Variants in GABRA3 observed in about 807,000 individuals in gnomAD.
GABRA3 encodes gamma-aminobutyric acid type A receptor subunit alpha3.
GABRA3 carries 10 observed loss-of-function variants against 30.1 expected under a neutral mutation model. The observed-to-expected ratio is 0.33, with a 90% CI of 0.20 to 0.56. The LOEUF is 0.56. Among genes scored for constraint, GABRA3 ranks in the 20% least tolerant of loss-of-function variants. The pLI is 0.89. For synonymous variants in GABRA3, 151 were observed against 146.8 expected (o/e 1.03, Z -0.21); for missense variants, 233 against 392.0 (o/e 0.59, Z 3.42).
At chrX:152,442,600 A>G (rs750326768) in intron 1 of GABRA3, among the ~76,000 whole-genome samples, 33 of 111,577 alleles carry the variant, frequency 3.0e-4, no homozygotes, top group Non-Finnish European at 5.5e-4. Context: ...AGGCTTAGAG[A>G]GACTACACAG....
intron 8 of GABRA3, among the ~76,000 whole-genome samples, chrX:152,197,093 C>A (rs2124353615): frequency 8.9e-6 from 1 of 112,073 alleles, no homozygotes; most frequent in Non-Finnish European, 1.9e-5. Context: ...TAATGATATG[C>A]AAATGTCTTC....
At chrX:152,260,459 G>C (rs1311851641) in intron 4 of GABRA3, among the ~76,000 whole-genome samples, 1 of 111,108 alleles carries the variant, frequency 9.0e-6, no homozygotes, top group Non-Finnish European at 1.9e-5. Context: ...GTTCAGGTCT[G>C]ACCCAGCACA....
rs552221582 is a variant in GABRA3, at chrX:152,198,248, G to A, written c.779-463C>T. Among the ~76,000 whole-genome samples the A allele has an allele frequency of 1.2e-4, 13 of 111,964 alleles. No individual in the cohort carries two copies. In the South Asian group the frequency reaches 3.8e-3, roughly 32 times the overall value. ...CATAAGGTTACACAGCTAGTAATTA[G>A]TAAAGCCCAAAGTCAAGCCCAGGTA... is the stretch of plus-strand genomic sequence containing the variant. On this transcript the variant is annotated intron_variant, in intron 7 of 9. Transcript: ENST00000370314.
At chrX:152,221,547 A>C (rs1224936666) in intron 6 of GABRA3, among the ~76,000 whole-genome samples, 1 of 111,889 alleles carries the variant, frequency 8.9e-6, no homozygotes, top group Non-Finnish European at 1.9e-5. Flanking sequence ...TATAAACTTT[A>C]GAATAAGCAT....
intron 1 of GABRA3, among the ~76,000 whole-genome samples, chrX:152,441,107 A>T (rs1202049184): frequency 9.0e-6 from 1 of 110,549 alleles, no homozygotes; most frequent in East Asian, 2.8e-4. Flanking sequence ...GCCCAAAAGA[A>T]CCTGTTATAG....
At chrX:152,367,351 G>A (rs978297768) in intron 1 of GABRA3, among the ~76,000 whole-genome samples, 2 of 111,624 alleles carry the variant, frequency 1.8e-5, no homozygotes, top group African/African-American at 6.5e-5. Flanking sequence ...TAATCATGGT[G>A]TTAGAAGAGA....
chrX:152,173,254 T>A (rs879145685), intron 9 of GABRA3, among the ~76,000 whole-genome samples: 2 of 107,382 alleles, frequency 1.9e-5, no homozygotes, highest in African/African-American at 6.8e-5. Context: ...GGGGTGGGGG[T>A]TATCTAGAGC....
chrX:152,441,087 C>A (rs1165104985), intron 1 of GABRA3, among the ~76,000 whole-genome samples: 1 of 109,974 alleles, frequency 9.1e-6, no homozygotes, highest in Admixed American at 9.7e-5. Context: ...AAAGAACTGG[C>A]TGCAAAGGGG....
intron 3 of GABRA3, among the ~76,000 whole-genome samples, chrX:152,304,966 T>C (rs769440633): frequency 2.7e-5 from 3 of 112,204 alleles, no homozygotes; most frequent in Middle Eastern, 4.6e-3. Flanking sequence ...CATTTATTTG[T>C]ATCATCTCTG....
intron 3 of GABRA3, among the ~76,000 whole-genome samples, chrX:152,320,508 T>C (rs956149283): frequency 9.0e-6 from 1 of 111,424 alleles, no homozygotes; most frequent in Non-Finnish European, 1.9e-5. Context: ...CACTCATAAA[T>C]GGGAGCTAAA....
intron 5 of GABRA3, among the ~76,000 whole-genome samples, chrX:152,239,096 T>G (rs1482354493): frequency 9.7e-6 from 1 of 102,880 alleles, no homozygotes; most frequent in African/African-American, 3.6e-5. Context: ...AGGGTGTCAA[T>G]TTTGGATCTT....
chrX:152,412,013 A>G lies in GABRA3; in HGVS notation c.-27+39133T>C, dbSNP rs758345848. Among the ~76,000 whole-genome samples, 16 of 111,874 alleles carry G rather than the reference A, an allele frequency of 1.4e-4. No individual in the cohort carries two copies. In the South Asian group the frequency reaches 1.9e-3, roughly 13 times the overall value. On this transcript the variant is annotated intron_variant, in intron 1 of 9. Coordinates refer to ENST00000370314, the MANE Select transcript of GABRA3 (RefSeq NM_000808.4). ...TTACCAAATTTTTTTCAGTGGGCTA[A>G]GGAATGAATAAACATTTCTCCAAAA...
intron 4 of GABRA3, among the ~76,000 whole-genome samples, chrX:152,276,519 A>G (rs1445771099): frequency 8.9e-6 from 1 of 111,733 alleles, no homozygotes; most frequent in African/African-American, 3.2e-5. Flanking sequence ...CTTTAGGTAC[A>G]CACCCTAAAG....
chrX:152,247,911 CCTT>C (rs1337658554), intron 5 of GABRA3, among the ~76,000 whole-genome samples: 1 of 111,301 alleles, frequency 9.0e-6, no homozygotes, highest in Non-Finnish European at 1.9e-5. Flanking sequence ...CAAAATATCT[CCTT>C]CTTCTCCTAT....
intron 1 of GABRA3, among the ~76,000 whole-genome samples, chrX:152,426,915 T>C (rs928642831): frequency 8.9e-6 from 1 of 112,420 alleles, no homozygotes; most frequent in Non-Finnish European, 1.9e-5. Flanking sequence ...AGAGTCATAC[T>C]TATTTGGGAA....
intron 8 of GABRA3, among the ~76,000 whole-genome samples, chrX:152,193,512 G>GT (rs1937349195): frequency 8.9e-6 from 1 of 111,959 alleles, no homozygotes; most frequent in Non-Finnish European, 1.9e-5. Context: ...ATAAGTCTGG[G>GT]TGAGTATATG....
chrX:152,372,700 A>G (rs1189068800), intron 1 of GABRA3, among the ~76,000 whole-genome samples: 1 of 111,971 alleles, frequency 8.9e-6, no homozygotes, highest in Non-Finnish European at 1.9e-5. Flanking sequence ...TCTCAAGACT[A>G]TGCTACTTTC....
intron 4 of GABRA3, among the ~76,000 whole-genome samples, chrX:152,257,887 T>C (rs751552880): frequency 1.8e-5 from 2 of 112,388 alleles, no homozygotes; most frequent in African/African-American, 6.5e-5. Context: ...GAATATATAC[T>C]GTCTGCCTGA....
chrX:152,424,597 T>A (rs1930465797), intron 1 of GABRA3, among the ~76,000 whole-genome samples: 1 of 111,265 alleles, frequency 9.0e-6, no homozygotes, highest in Admixed American at 9.6e-5. Flanking sequence ...ATTATTAGCA[T>A]AGGCAAAACT....
Sources: allele counts gnomAD v4.1 joint callset (sites outside exome capture counted in the v4.1 genomes callset), GRCh38; gene constraint gnomAD v4.1.1; transcripts MANE v1.5; gene names NCBI Gene and HGNC (gene_info 2026-07-23, HGNC 2026-07-21).